Variants in CFAP251 observed in about 807,000 individuals in gnomAD.
CFAP251 encodes the protein cilia- and flagella-associated protein 251.
In CFAP251, 93 loss-of-function variants were observed where a neutral mutation model predicts 126.7. That is an observed-to-expected ratio of 0.73 (90% CI 0.62 to 0.87). CFAP251 has a LOEUF of 0.87. Among genes scored for constraint, CFAP251 ranks in the 40% least tolerant of loss-of-function variants. The pLI is 0.00. For missense variants in CFAP251, 1,287 were observed against 1,389.2 expected (o/e 0.93, Z 1.17); for synonymous variants, 503 against 506.9 (o/e 0.99, Z 0.10).
chr12:121,955,984 CCTTG>C (rs1881714483), intron 10 of CFAP251: 1 of 152,138 alleles, frequency 6.6e-6, no homozygotes, highest in African/African-American at 2.4e-5. Flanking sequence ...AGCCCACCTG[CCTTG>C]CTTATTAATC....
intron 8 of CFAP251, 180 bp downstream of exon 8, chr12:121,949,241 C>A: frequency 2.9e-6 from 1 of 346,692 alleles, no homozygotes; most frequent in East Asian, 4.5e-5. Context: ...CATATTAAAT[C>A]AAAAGCAAAT....
intron 18 of CFAP251, 84 bp downstream of exon 18, chr12:121,975,418 T>C: frequency 6.4e-7 from 1 of 1,564,272 alleles, no homozygotes; most frequent in Admixed American, 1.8e-5. Context: ...CCTTGCTTTA[T>C]TCCAAAGCTT....
intron 13 of CFAP251, chr12:121,959,395 G>A: frequency 3.9e-6 from 1 of 257,700 alleles, no homozygotes; most frequent in Non-Finnish European, 7.4e-6. Context: ...GAGCTATAAG[G>A]CAGGTATGTT....
chr12:121,992,369 C>G, intron 19 of CFAP251: 1 of 985,382 alleles, frequency 1.0e-6, no homozygotes, highest in Non-Finnish European at 1.2e-6. Flanking sequence ...GATTCTTGAT[C>G]AGTCATACGG....
intron 1 of CFAP251, among the ~76,000 whole-genome samples, chr12:121,919,085 C>T (rs1356132269): frequency 6.6e-6 from 1 of 151,714 alleles, no homozygotes; most frequent in Non-Finnish European, 1.5e-5. Flanking sequence ...AGTCACTTCA[C>T]CTCTCAGAGC....
chr12:121,954,107 T>A lies in CFAP251; in HGVS notation c.1321-13T>A. ...TATTACCAACAGTAACTATAACCTTTCTTTTGAAACAGACCTTCAACAAGC... is the reference window on the plus strand; with the variant it reads ...TATTACCAACAGTAACTATAACCTTACTTTTGAAACAGACCTTCAACAAGC... On this transcript the variant is annotated splice_polypyrimidine_tract_variant and intron_variant, in intron 9 of 21. Transcript: ENST00000288912. 1 of 1,609,692 alleles carries A rather than the reference T, an allele frequency of 6.2e-7. No individual in the cohort carries two copies. Among genetic ancestry groups the A allele is most frequent in the Non-Finnish European group, 8.5e-7 (1 of 1,176,550 alleles).
intron 15 of CFAP251, among the ~76,000 whole-genome samples, chr12:121,962,881 G>A (rs187982553): frequency 6.6e-6 from 1 of 152,188 alleles, no homozygotes; most frequent in Non-Finnish European, 1.5e-5. Flanking sequence ...AGTGAAGGTG[G>A]GAGGCGTCTG....
chr12:122,001,689 C>T (rs1883155654), intron 21 of CFAP251, 91 bp downstream of exon 21: 5 of 976,442 alleles, frequency 5.1e-6, no homozygotes, highest in South Asian at 2.6e-5. Flanking sequence ...TCGGTGCAAG[C>T]CACTCTCCCT....
intron 20 of CFAP251, 101 bp from the exon 21 acceptor site, chr12:122,001,396 G>A (rs372525415): frequency 1.5e-5 from 17 of 1,104,678 alleles, no homozygotes; most frequent in Non-Finnish European, 2.2e-5. Context: ...AAAAAATAGT[G>A]GGATAATTCT....
At position 121,959,026 on chromosome 12, in the gene CFAP251, T is replaced by C. The variant is rs369571848; in HGVS notation, c.2065T>C (p.Phe689Leu). 3.1e-5 allele frequency: 50 copies of C among 1,613,486 alleles called. No individual in the cohort carries two copies. The highest frequency in any genetic ancestry group is 4.0e-5 in the Non-Finnish European group (47 of 1,179,838). Reference protein sequence around the residue: ...MSLENESPEPFKYSRTSVTHI... With the variant: ...MSLENESPEPLKYSRTSVTHI... The stretch of plus-strand genomic sequence containing the variant: ...TTTAGAAAATGAAAGCCCAGAGCCT[T>C]TCAAATATTCCAGAACCAGTGTGAC... The change falls in exon 13 of 22, where the codon TTC becomes CTC. Residue 689 changes from phenylalanine to leucine, a missense_variant. Coordinates refer to ENST00000288912, the MANE Select transcript of CFAP251 (RefSeq NM_144668.6).
rs1593013225 is a variant in CFAP251 at position 122,003,826 on chromosome 12, T to C, written c.*62T>C. The C allele has an allele frequency of 1.5e-6, 2 of 1,305,536 alleles. No homozygotes were observed. 80.9% of individuals were successfully genotyped at this position (1,305,536 alleles called of 1,614,324 possible). ...GTGTGTGTGCATGCACATGTGTGTG[T>C]TTTCCATGAGGCACTGCTTTTTATG... On this transcript the variant is annotated 3_prime_UTR_variant, in exon 22 of 22. Transcript: ENST00000288912.
intron 9 of CFAP251, chr12:121,953,341 G>C (rs1236434380): frequency 3.9e-5 from 6 of 152,212 alleles, no homozygotes; most frequent in African/African-American, 1.4e-4. Flanking sequence ...GCATTGCCCT[G>C]CCTGCCCTCA....
At chr12:122,002,106 A>G (rs1883164874) in intron 21 of CFAP251, among the ~76,000 whole-genome samples, 1 of 152,016 alleles carries the variant, frequency 6.6e-6, no homozygotes, top group Middle Eastern at 3.4e-3. Context: ...TGTAATCCCA[A>G]TGCTTTGGGA....
At chr12:121,928,679 T>C (rs1371193166) in intron 3 of CFAP251, among the ~76,000 whole-genome samples, 1 of 43,146 alleles carries the variant, frequency 2.3e-5, no homozygotes, top group Non-Finnish European at 8.2e-5. Flanking sequence ...CGTATATATA[T>C]ATATATATAC....
chr12:121,994,350 T>C (rs1331432613), intron 19 of CFAP251, among the ~76,000 whole-genome samples: 8 of 47,638 alleles, frequency 1.7e-4, no homozygotes, highest in East Asian at 6.5e-4. Flanking sequence ...TCAGCCCCCC[T>C]GCCCGGCCAG....
At chr12:121,939,422 C>A (rs1881018324) in intron 5 of CFAP251, among the ~76,000 whole-genome samples, 1 of 152,130 alleles carries the variant, frequency 6.6e-6, no homozygotes, top group Admixed American at 6.6e-5. Context: ...GCAGTAGAAG[C>A]CTGCAGTCGG....
At chr12:121,971,561 T>C in intron 17 of CFAP251, 1 of 702,856 alleles carries the variant, frequency 1.4e-6, no homozygotes, top group Non-Finnish European at 2.6e-6. Flanking sequence ...CTGACAGCCA[T>C]CCTGGGAGCC....
intron 19 of CFAP251, chr12:121,999,263 G>C (rs1883095052): frequency 6.5e-6 from 1 of 154,468 alleles, no homozygotes. Context: ...CAATCATTTT[G>C]TATGCTCCTG....
chr12:121,987,105 C>T (rs991524916), intron 19 of CFAP251, among the ~76,000 whole-genome samples: 5 of 152,120 alleles, frequency 3.3e-5, no homozygotes, highest in Admixed American at 6.5e-5. Context: ...CCAAGAAGCA[C>T]AGGGACAATT....
Sources: gnomAD v4.1 joint callset for allele counts (sites outside exome capture counted in the v4.1 genomes callset) on GRCh38, gnomAD v4.1.1 for gene constraint, MANE v1.5 for transcripts, NCBI Gene and HGNC (gene_info 2026-07-23, HGNC 2026-07-21) for gene names.